The following ATP9B variants were observed in gnomAD, a reference collection of about 807,000 sequenced individuals.
ATP9B encodes probable phospholipid-transporting ATPase IIB.
In ATP9B, 110 loss-of-function variants were observed where a neutral mutation model predicts 146.1. That is an observed-to-expected ratio of 0.75 (90% CI 0.65 to 0.88). ATP9B has a LOEUF of 0.88. Among genes scored for constraint, ATP9B ranks in the 40% least tolerant of loss-of-function variants. ATP9B has a pLI of 0.00. For synonymous variants in ATP9B, 604 were observed against 569.7 expected, an observed-to-expected ratio of 1.06 and a Z score of -0.86; for missense variants, 1,499 against 1,496.4, an observed-to-expected ratio of 1.00 and a Z score of -0.03.
chr18:79,375,542 C>T, intron 29 of ATP9B, 116 bp downstream of exon 29: 1 of 1,511,326 alleles, frequency 6.6e-7, no homozygotes, highest in Non-Finnish European at 8.9e-7. Context: ...TCCTCAGGAA[C>T]TCTCTGATGT....
intron 12 of ATP9B, chr18:79,255,261 A>T (rs1245719062): frequency 6.6e-6 from 1 of 152,204 alleles, no homozygotes; most frequent in Admixed American, 6.5e-5. Context: ...TAAACAAACT[A>T]TAACCAGAAA....
Position 79,344,809 on chromosome 18 carries a change from C to T in ATP9B, c.2472+455C>T, listed in dbSNP as rs528869285. 7.9e-4 allele frequency among the ~76,000 whole-genome samples: 120 copies of T among 152,328 alleles called. 1 individual carries two copies. The highest frequency in any genetic ancestry group is 2.7e-3 in the African/African-American group (113 of 41,576). On this transcript the variant is annotated intron_variant, in intron 21 of 29. Coordinates refer to ENST00000426216, the MANE Select transcript of ATP9B (RefSeq NM_198531.5). ...GACCTGGAGGAGGAGCGACAAGAGC[C>T]TGTCCAGCGCCTTGGTTCTGGCTCT...
In ATP9B at chr18:79,241,654, C is replaced by A. The variant is rs114521714; in HGVS notation, c.1108-11727C>A. On this transcript the variant is annotated intron_variant, in intron 11 of 29. Transcript: ENST00000426216. Reference sequence around the variant, plus strand: ...TTTTAGCTCCTTGAGTTTAGGGCAACCTTTTCGTCATTATGCAGCATGCCT... The same window carrying A: ...TTTTAGCTCCTTGAGTTTAGGGCAAACTTTTCGTCATTATGCAGCATGCCT... Among the ~76,000 whole-genome samples the A allele has an allele frequency of 5.0e-3, 768 of 152,292 alleles. 8 individuals carry two copies. Among genetic ancestry groups the A allele is most frequent in the African/African-American group, 0.017 (710 of 41,536 alleles).
chr18:79,249,699 A>G (rs1003089864), intron 11 of ATP9B, among the ~76,000 whole-genome samples: 11 of 152,232 alleles, frequency 7.2e-5, no homozygotes, highest in African/African-American at 2.7e-4. Flanking sequence ...TAAATAGTTT[A>G]TAAGAGTTCA....
intron 13 of ATP9B, 136 bp from the exon 14 acceptor site, chr18:79,303,468 G>T: frequency 1.9e-6 from 1 of 526,058 alleles, no homozygotes; most frequent in Non-Finnish European, 3.4e-6. Flanking sequence ...CAATCTTAAC[G>T]CTACTTTGTA....
intron 13 of ATP9B, among the ~76,000 whole-genome samples, chr18:79,285,318 T>G (rs2096425997): frequency 6.6e-6 from 1 of 151,706 alleles, no homozygotes; most frequent in African/African-American, 2.4e-5. Flanking sequence ...CCATTCTAAC[T>G]GGTGTGAGAT....
At chr18:79,072,772 C>T (rs1010963893) in intron 1 of ATP9B, among the ~76,000 whole-genome samples, 5 of 151,770 alleles carry the variant, frequency 3.3e-5, no homozygotes, top group Non-Finnish European at 5.9e-5. Context: ...GGCGGCTGGG[C>T]GGAGATGCTT....
At chr18:79,208,795 A>G (rs1455480179) in intron 10 of ATP9B, among the ~76,000 whole-genome samples, 1 of 92,592 alleles carries the variant, frequency 1.1e-5, no homozygotes, top group Non-Finnish European at 2.2e-5. Flanking sequence ...CTTAACATAC[A>G]AAGAAAGAGA....
At chr18:79,073,378 G>A (rs1402652591) in intron 1 of ATP9B, among the ~76,000 whole-genome samples, 1 of 152,236 alleles carries the variant, frequency 6.6e-6, no homozygotes, top group East Asian at 1.9e-4. Context: ...TGCAATCCCA[G>A]CACCCCGGGA....
chr18:79,233,856 ATTC>A (rs1381693482), intron 11 of ATP9B, among the ~76,000 whole-genome samples: 2 of 152,246 alleles, frequency 1.3e-5, no homozygotes, highest in Non-Finnish European at 2.9e-5. Context: ...TATATACTGT[ATTC>A]TTACAATAAA....
rs545273096 is a variant in ATP9B, at chr18:79,297,764, C to T, written c.1412-5840C>T. On this transcript the variant is annotated intron_variant, in intron 13 of 29. Transcript: ENST00000426216. ...CTCAGGGACTTAGGATTTCATGTTT[C>T]GCCTTGATAAGACTCTACACTGTCG... 1.3e-3 allele frequency among the ~76,000 whole-genome samples: 187 copies of T among 148,182 alleles called. 19 individuals are homozygous for T. Among genetic ancestry groups the T allele is most frequent in the Non-Finnish European group, 2.0e-3 (134 of 66,560 alleles).
intron 9 of ATP9B, among the ~76,000 whole-genome samples, chr18:79,205,642 C>T (rs902579505): frequency 6.6e-5 from 10 of 152,134 alleles, no homozygotes; most frequent in Non-Finnish European, 8.8e-5. Context: ...CCACACGGGA[C>T]GTCTTCCCTG....
chr18:79,186,960 G>T (rs2148063639), intron 8 of ATP9B, among the ~76,000 whole-genome samples: 1 of 152,328 alleles, frequency 6.6e-6, no homozygotes, highest in African/African-American at 2.4e-5. Flanking sequence ...TCTGCTGACA[G>T]GTGTCCTCAT....
chr18:79,334,450 T>G (rs2096809606), intron 17 of ATP9B, among the ~76,000 whole-genome samples: 1 of 152,142 alleles, frequency 6.6e-6, no homozygotes, highest in Non-Finnish European at 1.5e-5. Context: ...ATGTACTTTT[T>G]ATAGAACACA....
chr18:79,202,102 C>T lies in ATP9B; in HGVS notation c.955-4835C>T, dbSNP rs140054309. 2.4e-3 allele frequency among the ~76,000 whole-genome samples: 363 copies of T among 152,102 alleles called. 2 individuals carry two copies. The highest frequency in any genetic ancestry group is 6.5e-3 in the South Asian group (31 of 4,802). ...AATTAGAGAAAATTAATTCAAGGTC[C>T]CTGTGGCAGTATACCCAGTATGCAT... On this transcript the variant is annotated intron_variant, in intron 9 of 29. Transcript: ENST00000426216.
At chr18:79,351,284 G>A (rs1469359488) in intron 25 of ATP9B, among the ~76,000 whole-genome samples, 1 of 152,232 alleles carries the variant, frequency 6.6e-6, no homozygotes, top group Non-Finnish European at 1.5e-5. Flanking sequence ...AGTGAGGCCT[G>A]TGCCTGCCTC....
At chr18:79,113,128 C>T in intron 3 of ATP9B, 113 bp from the exon 4 acceptor site, 1 of 592,584 alleles carries the variant, frequency 1.7e-6, no homozygotes, top group Non-Finnish European at 3.0e-6. Context: ...ACAACATATT[C>T]TCACTGTTTG....
chr18:79,310,571 A>G (rs1005959026), intron 15 of ATP9B, among the ~76,000 whole-genome samples: 1 of 152,124 alleles, frequency 6.6e-6, no homozygotes, highest in African/African-American at 2.4e-5. Context: ...CTCAGGAACA[A>G]CCAGTAATGT....
At chr18:79,144,656 ATC>A (rs1261760964) in intron 6 of ATP9B, 1 of 152,256 alleles carries the variant, frequency 6.6e-6, no homozygotes, top group Non-Finnish European at 1.5e-5. Context: ...GCTTTAAATC[ATC>A]TCTAGTTGAT....
Sources: allele counts gnomAD v4.1 joint callset (sites outside exome capture counted in the v4.1 genomes callset), GRCh38; gene constraint gnomAD v4.1.1; transcripts MANE v1.5; gene names NCBI Gene and HGNC (gene_info 2026-07-23, HGNC 2026-07-21).